Variants in RTF2 observed in about 807,000 individuals in gnomAD.
RTF2 encodes the protein replication termination factor 2.
A neutral mutation model predicts 38.0 loss-of-function variants in RTF2; 18 were observed. The ratio of observed to expected loss-of-function variants is 0.47; its 90% CI spans 0.33 to 0.70. The LOEUF (loss-of-function observed/expected upper bound fraction) is 0.70. Ranked by LOEUF, RTF2 falls within the 30% of genes least tolerant of loss-of-function variation. RTF2 has a pLI of 0.02. For synonymous variants in RTF2, 126 were observed against 137.1 expected (o/e 0.92, Z 0.57); for missense variants, 311 against 379.6 (o/e 0.82, Z 1.50).
At chr20:56,515,181 G>A (rs929351233) in intron 6 of RTF2, among the ~76,000 whole-genome samples, 2 of 152,136 alleles carry the variant, frequency 1.3e-5, no homozygotes, top group African/African-American at 4.8e-5. Context: ...GAAAAAAAGA[G>A]GGAAACTAAG....
intron 5 of RTF2, among the ~76,000 whole-genome samples, chr20:56,504,535 A>G (rs1405522739): frequency 6.6e-6 from 1 of 152,214 alleles, no homozygotes; most frequent in Non-Finnish European, 1.5e-5. Flanking sequence ...ACATTTTACA[A>G]GGCAGGGGCT....
chr20:56,481,360 GGGAACTAACTGTC>G (rs1982518095), intron 4 of RTF2, among the ~76,000 whole-genome samples: 2 of 152,192 alleles, frequency 1.3e-5, no homozygotes, highest in African/African-American at 4.8e-5. Context: ...ACTGTGCGAG[GGGAACTAACTGTC>G]CTGTTCTGAA....
chr20:56,517,002 A>C lies in RTF2; in HGVS notation c.646+13A>C. On this transcript the variant is annotated intron_variant, in intron 7 of 8. Coordinates refer to ENST00000357348, the MANE Select transcript of RTF2 (RefSeq NM_016407.5). ...GATGTCAGTGAAGGTAAGATCCTTCAAGAGATCCTTATTTTAGCAAAATGC... is the reference window on the plus strand; with the variant it reads ...GATGTCAGTGAAGGTAAGATCCTTCCAGAGATCCTTATTTTAGCAAAATGC... 6.2e-7 allele frequency: 1 copy of C among 1,613,360 alleles called. No homozygotes were observed. The highest frequency in any genetic ancestry group is 8.5e-7 in the Non-Finnish European group (1 of 1,179,256).
chr20:56,512,722 A>T (rs2146375471), intron 5 of RTF2, among the ~76,000 whole-genome samples: 1 of 152,284 alleles, frequency 6.6e-6, no homozygotes, highest in Middle Eastern at 3.4e-3. Flanking sequence ...CGTGGTATGG[A>T]TGCACAGCTG....
At chr20:56,468,894 A>G in intron 1 of RTF2, 128 bp downstream of exon 1, 1 of 703,694 alleles carries the variant, frequency 1.4e-6, no homozygotes, top group East Asian at 2.7e-5. Context: ...TATTCCATTC[A>G]GAGGACTCAA....
At chr20:56,491,005 G>A (rs547252397) in intron 5 of RTF2, among the ~76,000 whole-genome samples, 31 of 152,340 alleles carry the variant, frequency 2.0e-4, no homozygotes, top group African/African-American at 6.0e-4. Flanking sequence ...TGTCAAGACC[G>A]CAGACACTTG....
At chr20:56,474,213 G>C (rs1982119708) in intron 2 of RTF2, among the ~76,000 whole-genome samples, 1 of 152,200 alleles carries the variant, frequency 6.6e-6, no homozygotes, top group Non-Finnish European at 1.5e-5. Flanking sequence ...GGACCCATTG[G>C]CTCATGCCTG....
chr20:56,473,521 G>A (rs999396062), intron 2 of RTF2, 126 bp downstream of exon 2: 32 of 641,160 alleles, frequency 5.0e-5, no homozygotes, highest in Non-Finnish European at 8.9e-5. Flanking sequence ...ATAGGCTGTC[G>A]TTCCCTGTCT....
intron 5 of RTF2, among the ~76,000 whole-genome samples, chr20:56,494,997 T>C (rs1983417745): frequency 6.6e-6 from 1 of 152,134 alleles, no homozygotes; most frequent in African/African-American, 2.4e-5. Flanking sequence ...AACCTGTATT[T>C]TTTGTGATTT....
intron 5 of RTF2, chr20:56,491,897 G>C: frequency 1.4e-6 from 1 of 706,338 alleles, no homozygotes; most frequent in Non-Finnish European, 2.4e-6. Flanking sequence ...AGCTTCACCA[G>C]AGTTCACATC....
At chr20:56,478,643 G>T (rs944795107) in intron 4 of RTF2, among the ~76,000 whole-genome samples, 2 of 152,124 alleles carry the variant, frequency 1.3e-5, no homozygotes, top group African/African-American at 4.8e-5. Context: ...CTTTTTGCTG[G>T]TGGAGCCTTG....
At chr20:56,512,548 C>T (rs1173558256) in intron 5 of RTF2, among the ~76,000 whole-genome samples, 4 of 152,146 alleles carry the variant, frequency 2.6e-5, no homozygotes, top group East Asian at 1.9e-4. Context: ...TGTATGTGTG[C>T]GTTTCTACCA....
At chr20:56,478,943 C>T (rs1354244859) in intron 4 of RTF2, among the ~76,000 whole-genome samples, 1 of 152,216 alleles carries the variant, frequency 6.6e-6, no homozygotes, top group African/African-American at 2.4e-5. Context: ...AGCATCTTCA[C>T]CATGGGCAGA....
In RTF2 at chr20:56,468,658, G is replaced by GC; in HGVS notation, c.-39dup. ...TTCGCCGGAAATCCCGGAAGTGACA[G>GC]CTTTGGGGGTTTGCTGCTGGCTCTG... On this transcript the variant is annotated 5_prime_UTR_variant, in exon 1 of 9. Transcript: ENST00000357348. 3 of 1,541,494 alleles carry GC rather than the reference G, an allele frequency of 1.9e-6. No individual in the cohort carries two copies. The highest frequency in any genetic ancestry group is 2.6e-6 in the Non-Finnish European group (3 of 1,137,212).
chr20:56,491,832 T>G, intron 5 of RTF2: 2 of 1,398,822 alleles, frequency 1.4e-6, no homozygotes, highest in Non-Finnish European at 2.0e-6. Flanking sequence ...CCTCACCCAT[T>G]TTATTCACAC....
chr20:56,508,820 T>C (rs1248755223), intron 5 of RTF2, among the ~76,000 whole-genome samples: 1 of 152,216 alleles, frequency 6.6e-6, no homozygotes, highest in Non-Finnish European at 1.5e-5. Flanking sequence ...GATATCCACA[T>C]GCAGAAGAAT....
At chr20:56,480,141 A>G (rs1253598974) in intron 4 of RTF2, among the ~76,000 whole-genome samples, 3 of 152,202 alleles carry the variant, frequency 2.0e-5, no homozygotes, top group African/African-American at 7.2e-5. Context: ...TTTTATCTAC[A>G]CTAAAAATCT....
At chr20:56,475,375 A>G (rs554248588) in intron 3 of RTF2, among the ~76,000 whole-genome samples, 1 of 152,300 alleles carries the variant, frequency 6.6e-6, no homozygotes, top group South Asian at 2.1e-4. Context: ...CTTAAACCAG[A>G]ACCAGATCCC....
At position 56,507,460 on chromosome 20, in the gene RTF2, C is replaced by T. The variant is rs189130631; in HGVS notation, c.478-5855C>T. 1.9e-3 allele frequency among the ~76,000 whole-genome samples: 282 copies of T among 152,260 alleles called. 2 individuals carry two copies. The highest frequency in any genetic ancestry group is 6.4e-3 in the African/African-American group (268 of 41,558). Reference sequence around the variant, plus strand: ...GGTGTTAATGGATCTTTTGAATTTTCGAGAGAAAGAGCAAGATTACTCAAT... The same window carrying T: ...GGTGTTAATGGATCTTTTGAATTTTTGAGAGAAAGAGCAAGATTACTCAAT... On this transcript the variant is annotated intron_variant, in intron 5 of 8. Transcript: ENST00000357348.
Sources: allele counts gnomAD v4.1 joint callset (sites outside exome capture counted in the v4.1 genomes callset), GRCh38; gene constraint gnomAD v4.1.1; transcripts MANE v1.5; gene names NCBI Gene and HGNC (gene_info 2026-07-23, HGNC 2026-07-21).